Variants in TBC1D2B observed in about 807,000 individuals in gnomAD.
TBC1D2B encodes the protein TBC1 domain family, member 2B.
Under a neutral mutation model 100.8 loss-of-function variants are expected in TBC1D2B, and 64 were observed. That is an observed-to-expected ratio of 0.64 (90% CI 0.52 to 0.78). The LOEUF (loss-of-function observed/expected upper bound fraction) is 0.78. Ranked by LOEUF, TBC1D2B falls within the 30% of genes least tolerant of loss-of-function variation. The probability of loss-of-function intolerance (pLI) is 0.00; values close to 1 mark genes in which losing one functional copy is unlikely to be tolerated. For synonymous variants in TBC1D2B, 480 were observed against 479.7 expected (o/e 1.00, Z -0.01); for missense variants, 1,052 against 1,218.4 (o/e 0.86, Z 2.03).
chr15:78,068,393 A>C (rs905798440), intron 1 of TBC1D2B, among the ~76,000 whole-genome samples: 1 of 150,832 alleles, frequency 6.6e-6, no homozygotes, highest in Admixed American at 6.6e-5. Flanking sequence ...CCACACACAC[A>C]CACACACACA....
intron 1 of TBC1D2B, among the ~76,000 whole-genome samples, chr15:78,070,784 A>G (rs2073731252): frequency 6.6e-6 from 1 of 152,176 alleles, no homozygotes; most frequent in Admixed American, 6.5e-5. Context: ...CAGCCTCCCA[A>G]GTAGCTGGGA....
chr15:78,077,698 G>A lies in TBC1D2B; in HGVS notation c.-46C>T. The A allele has an allele frequency of 2.0e-6, 2 of 984,000 alleles. No homozygotes were observed. The highest frequency in any genetic ancestry group is 1.2e-4 in the East Asian group (1 of 8,664). The allele number at this position is 984,000 out of a possible 1,614,324, so 61.0% of individuals were successfully genotyped here. ...AGGCGCCCGCGCCCTGCGCCTCCGC[G>A]CCGCGGCCGCTGCGCCCCCTACCCC... On this transcript the variant is annotated 5_prime_UTR_variant, in exon 1 of 13. Coordinates refer to ENST00000300584, the MANE Select transcript of TBC1D2B (RefSeq NM_144572.2).
chr15:78,015,590 C>T (rs1483110273), intron 8 of TBC1D2B, among the ~76,000 whole-genome samples: 1 of 152,242 alleles, frequency 6.6e-6, no homozygotes, highest in Non-Finnish European at 1.5e-5. Context: ...GGTGGAGCTA[C>T]TGCACCTGGG....
intron 7 of TBC1D2B, chr15:78,017,327 A>T (rs1232242850): frequency 6.5e-6 from 1 of 153,618 alleles, no homozygotes; most frequent in Non-Finnish European, 1.4e-5. Flanking sequence ...CACTTTGTGC[A>T]AAGCCCCTTC....
intron 12 of TBC1D2B, 48 bp downstream of exon 12, chr15:78,001,571 G>A: frequency 1.9e-6 from 3 of 1,566,730 alleles, no homozygotes; most frequent in Non-Finnish European, 2.6e-6. Context: ...GGAGGCAGGG[G>A]TCAGGCTTCC....
At chr15:78,054,212 T>C (rs1304501937) in intron 1 of TBC1D2B, 25 bp from the exon 2 acceptor site, 6 of 1,605,264 alleles carry the variant, frequency 3.7e-6, no homozygotes, top group African/African-American at 1.3e-5. Flanking sequence ...GGGAAAAACA[T>C]GTTATGGCCA....
At chr15:78,053,160 T>G (rs774235348) in intron 2 of TBC1D2B, among the ~76,000 whole-genome samples, 1 of 152,190 alleles carries the variant, frequency 6.6e-6, no homozygotes, top group East Asian at 1.9e-4. Context: ...CCATCCTTGG[T>G]GGGACAGGCA....
At chr15:78,001,535 A>G in intron 12 of TBC1D2B, 84 bp downstream of exon 12, 10 of 1,465,188 alleles carry the variant, frequency 6.8e-6, no homozygotes, top group Non-Finnish European at 5.4e-6. Flanking sequence ...CTGAGTTGGA[A>G]GACAGCAAGG....
At chr15:78,066,052 C>A (rs1217744307) in intron 1 of TBC1D2B, 1 of 470,910 alleles carries the variant, frequency 2.1e-6, no homozygotes, top group Non-Finnish European at 4.4e-6. Flanking sequence ...GTGATCATTG[C>A]AATTCACCCT....
intron 6 of TBC1D2B, among the ~76,000 whole-genome samples, chr15:78,021,618 C>T (rs2072517855): frequency 6.6e-6 from 1 of 152,214 alleles, no homozygotes; most frequent in East Asian, 1.9e-4. Flanking sequence ...TGGACCCAGG[C>T]AGGCCTCAAC....
chr15:78,004,909 C>G (rs1479722430), intron 10 of TBC1D2B, among the ~76,000 whole-genome samples: 1 of 152,190 alleles, frequency 6.6e-6, no homozygotes, highest in African/African-American at 2.4e-5. Flanking sequence ...CCACGTTGTT[C>G]AAGGGTTAAC....
intron 3 of TBC1D2B, among the ~76,000 whole-genome samples, chr15:78,038,120 A>G (rs192287814): frequency 6.6e-6 from 1 of 152,288 alleles, no homozygotes; most frequent in Non-Finnish European, 1.5e-5. Context: ...TGCCCCTGGA[A>G]GGGTCTGGAG....
chr15:78,058,178 CATCTT>C (rs999510921), intron 1 of TBC1D2B, among the ~76,000 whole-genome samples: 7 of 152,324 alleles, frequency 4.6e-5, no homozygotes, highest in Admixed American at 1.3e-4. Context: ...ATGTGGCTCA[CATCTT>C]ATCTTTACTG....
chr15:78,057,507 G>A (rs2073450648), intron 1 of TBC1D2B, among the ~76,000 whole-genome samples: 3 of 152,144 alleles, frequency 2.0e-5, no homozygotes, highest in African/African-American at 7.2e-5. Context: ...TTAGCCAGGC[G>A]TGGTGGTGGG....
At chr15:78,022,440 T>C (rs996006067) in intron 6 of TBC1D2B, among the ~76,000 whole-genome samples, 1 of 152,220 alleles carries the variant, frequency 6.6e-6, no homozygotes, top group Non-Finnish European at 1.5e-5. Flanking sequence ...GGTATATATT[T>C]AGGGTCATGT....
intron 3 of TBC1D2B, among the ~76,000 whole-genome samples, chr15:78,039,667 T>C (rs2141751339): frequency 6.6e-6 from 1 of 152,168 alleles, no homozygotes; most frequent in South Asian, 2.1e-4. Context: ...CACCATTTAC[T>C]GAGCACTTAC....
At chr15:78,041,093 C>T (rs2073085886) in intron 3 of TBC1D2B, among the ~76,000 whole-genome samples, 2 of 152,272 alleles carry the variant, frequency 1.3e-5, no homozygotes, top group South Asian at 4.1e-4. Flanking sequence ...AGCATAAAAT[C>T]TTACAGGGTT....
intron 3 of TBC1D2B, among the ~76,000 whole-genome samples, chr15:78,042,406 A>G (rs1003693714): frequency 2.6e-5 from 4 of 152,120 alleles, no homozygotes; most frequent in Non-Finnish European, 2.9e-5. Flanking sequence ...GCTCGGCCAC[A>G]CACTTGCTAT....
At chr15:78,073,412 C>G (rs1326887901) in intron 1 of TBC1D2B, among the ~76,000 whole-genome samples, 1 of 152,088 alleles carries the variant, frequency 6.6e-6, no homozygotes, top group African/African-American at 2.4e-5. Context: ...CTTTTTAACC[C>G]TCTGTGATAA....
Sources: gnomAD v4.1 joint callset for allele counts (sites outside exome capture counted in the v4.1 genomes callset) on GRCh38, gnomAD v4.1.1 for gene constraint, MANE v1.5 for transcripts, NCBI Gene and HGNC (gene_info 2026-07-23, HGNC 2026-07-21) for gene names.